The following KDM4C variants were observed in gnomAD, a reference collection of about 807,000 sequenced individuals.
KDM4C encodes the protein lysine-specific demethylase 4C.
A neutral mutation model predicts 129.3 loss-of-function variants in KDM4C; 81 were observed. The ratio of observed to expected loss-of-function variants is 0.63; its 90% CI spans 0.52 to 0.75. KDM4C has a LOEUF of 0.75. KDM4C is among the 30% of genes least tolerant of loss of function. The probability of loss-of-function intolerance (pLI) is 0.00; values close to 1 mark genes in which losing one functional copy is unlikely to be tolerated. For synonymous variants in KDM4C, 573 were observed against 456.1 expected, an observed-to-expected ratio of 1.26 and a Z score of -3.26; for missense variants, 1,457 against 1,304.0, an observed-to-expected ratio of 1.12 and a Z score of -1.81.
intron 17 of KDM4C, among the ~76,000 whole-genome samples, chr9:7,053,407 T>TA (rs1170218454): frequency 6.6e-6 from 1 of 152,192 alleles, no homozygotes; most frequent in East Asian, 1.9e-4. Flanking sequence ...GGCCAGTTTT[T>TA]AAAAAATGAC....
chr9:7,046,169 G>A (rs1829359558), intron 15 of KDM4C, among the ~76,000 whole-genome samples: 1 of 151,862 alleles, frequency 6.6e-6, no homozygotes, highest in Non-Finnish European at 1.5e-5. Context: ...TATATTTGTA[G>A]CAATTGGAGT....
chr9:6,806,362 C>T (rs1440538958), intron 3 of KDM4C, among the ~76,000 whole-genome samples: 1 of 152,012 alleles, frequency 6.6e-6, no homozygotes, highest in East Asian at 1.9e-4. Context: ...TGCGTGGTGG[C>T]ACGTGCCTGT....
chr9:6,980,162 A>T (rs1451032790), intron 8 of KDM4C, among the ~76,000 whole-genome samples: 3 of 152,204 alleles, frequency 2.0e-5, no homozygotes, highest in African/African-American at 7.2e-5. Context: ...CACCATTTGA[A>T]TGATAACTTC....
chr9:6,985,727 G>C (rs960888131), intron 10 of KDM4C, among the ~76,000 whole-genome samples: 1 of 152,044 alleles, frequency 6.6e-6, no homozygotes, highest in Non-Finnish European at 1.5e-5. Flanking sequence ...GTCTCTCTCT[G>C]TCGCCCAGGC....
rs576891741 is a variant in KDM4C, at chr9:7,048,093, C to G, written c.2316-999C>G. On this transcript the variant is annotated intron_variant, in intron 16 of 21. Coordinates refer to ENST00000381309, the MANE Select transcript of KDM4C (RefSeq NM_015061.6). ...ACAGTCCTGGTTGATATGATTCGCA[C>G]TATACTGAAAGTCTTCACTAGTTCT... is the stretch of plus-strand genomic sequence containing the variant. 7.9e-5 allele frequency among the ~76,000 whole-genome samples: 12 copies of G among 152,178 alleles called. No homozygotes were observed. In the East Asian group the frequency reaches 2.3e-3, roughly 29 times the overall value.
At chr9:6,786,329 A>T (rs752508235) in intron 1 of KDM4C, among the ~76,000 whole-genome samples, 1 of 152,238 alleles carries the variant, frequency 6.6e-6, no homozygotes, top group East Asian at 1.9e-4. Flanking sequence ...GGGTTGTTAT[A>T]TGAGTTAGTG....
chr9:6,829,166 C>G (rs1257392499), intron 4 of KDM4C, among the ~76,000 whole-genome samples: 1 of 152,124 alleles, frequency 6.6e-6, no homozygotes, highest in African/African-American at 2.4e-5. Flanking sequence ...CAGGCAGAAG[C>G]CTGGTGGATG....
Position 7,104,268 on chromosome 9 carries a change from A to G in KDM4C, c.2610+398A>G, listed in dbSNP as rs573001054. On this transcript the variant is annotated intron_variant, in intron 18 of 21. Transcript: ENST00000381309. ...CACCACCTGAGATTATGTAGTGAAC[A>G]GTCTATGAAACTGTACACTGTGGTC... 475 of 182,376 alleles carry G rather than the reference A, an allele frequency of 2.6e-3. 2 individuals are homozygous for G. The highest frequency in any genetic ancestry group is 4.6e-3 in the Non-Finnish European group (383 of 83,778). 11.3% of individuals were successfully genotyped at this position (182,376 alleles called of 1,614,324 possible). A position where few individuals can be genotyped will look rare whatever the true frequency, so the allele number is the denominator to read the frequency against.
At chr9:6,725,772 C>T (rs1276730963) in intron 1 of KDM4C, among the ~76,000 whole-genome samples, 9 of 145,214 alleles carry the variant, frequency 6.2e-5, no homozygotes, top group Non-Finnish European at 6.0e-5. Context: ...TGCAGTGGTG[C>T]GATCTCGGCT....
chr9:6,947,993 T>C (rs190280958), intron 8 of KDM4C: 110 of 152,342 alleles, frequency 7.2e-4, no homozygotes, highest in African/African-American at 2.5e-3. Context: ...TACTTCTCCT[T>C]ATTCTTCTAA....
intron 12 of KDM4C, among the ~76,000 whole-genome samples, chr9:7,005,473 G>A (rs1821493852): frequency 6.7e-6 from 1 of 150,190 alleles, no homozygotes; most frequent in South Asian, 2.1e-4. Context: ...GTAAAGAAGT[G>A]AGTTAGATAA....
chr9:6,849,758 AC>A, intron 5 of KDM4C, 58 bp downstream of exon 5: 2 of 1,340,140 alleles, frequency 1.5e-6, no homozygotes, highest in Non-Finnish European at 2.0e-6. Flanking sequence ...GGCATCAGGC[AC>A]ATATTGAAGA....
chr9:6,770,767 C>CTTTTTTTTTTTTTTTTTTTTTTCT (rs753670348), intron 1 of KDM4C, among the ~76,000 whole-genome samples: 1 of 81,764 alleles, frequency 1.2e-5, no homozygotes, highest in African/African-American at 4.9e-5. Context: ...GATTTTGATC[C>CTTTTTTTTTTTTTTTTTTTTTTCT]TTTTTTTTTT....
At chr9:6,750,148 C>A (rs1334232606) in intron 1 of KDM4C, among the ~76,000 whole-genome samples, 2 of 151,326 alleles carry the variant, frequency 1.3e-5, no homozygotes, top group Non-Finnish European at 2.9e-5. Flanking sequence ...AGAGGTAAGA[C>A]AGCTCTTCAT....
At position 6,778,485 on chromosome 9, in the gene KDM4C, G is replaced by C. The variant is rs1304340747; in HGVS notation, c.-17-14487G>C. ...ACAAAAGTTTATCAGATTTTTCCAA[G>C]GCCCGGTGCGGTAGCTCACGCCTGT... On this transcript the variant is annotated intron_variant, in intron 1 of 21. Coordinates refer to ENST00000381309, the MANE Select transcript of KDM4C (RefSeq NM_015061.6). Among the ~76,000 whole-genome samples, 3 of 151,824 alleles carry C rather than the reference G, an allele frequency of 2.0e-5. No homozygotes were observed. The East Asian group carries it at 5.9e-4, about 30-fold the overall frequency.
intron 8 of KDM4C, among the ~76,000 whole-genome samples, chr9:6,960,162 C>T (rs147669475): frequency 3.7e-4 from 57 of 152,234 alleles, no homozygotes; most frequent in African/African-American, 1.3e-3. Flanking sequence ...TCCCTCTCTA[C>T]TCCAGGGCAG....
At chr9:7,050,426 C>T (rs1829982374) in intron 17 of KDM4C, among the ~76,000 whole-genome samples, 1 of 59,314 alleles carries the variant, frequency 1.7e-5, no homozygotes, top group Non-Finnish European at 3.6e-5. Flanking sequence ...AGCTTGAAAT[C>T]TTATACCCAG....
intron 5 of KDM4C, among the ~76,000 whole-genome samples, chr9:6,862,677 C>T (rs765542858): frequency 2.0e-5 from 3 of 152,060 alleles, no homozygotes; most frequent in East Asian, 1.9e-4. Flanking sequence ...TGTGGAGGCA[C>T]GTGCCTGTAA....
At chr9:6,932,500 C>G (rs1823937070) in intron 8 of KDM4C, among the ~76,000 whole-genome samples, 1 of 152,096 alleles carries the variant, frequency 6.6e-6, no homozygotes, top group South Asian at 2.1e-4. Flanking sequence ...TAGAGAGATG[C>G]TACAGTGTAT....
Sources: gnomAD v4.1 joint callset for allele counts (sites outside exome capture counted in the v4.1 genomes callset) on GRCh38, gnomAD v4.1.1 for gene constraint, MANE v1.5 for transcripts, NCBI Gene and HGNC (gene_info 2026-07-23, HGNC 2026-07-21) for gene names.